The following PTPRS variants were observed in gnomAD, a reference collection of about 807,000 sequenced individuals.
PTPRS encodes the protein receptor-type tyrosine-protein phosphatase S.
In PTPRS, 63 loss-of-function variants were observed where a neutral mutation model predicts 215.3. The ratio of observed to expected loss-of-function variants is 0.29; its 90% CI spans 0.24 to 0.36. The LOEUF (loss-of-function observed/expected upper bound fraction) is 0.36, where lower values mean the gene tolerates loss of function less well. Among genes scored for constraint, PTPRS ranks in the 10% least tolerant of loss-of-function variants. The pLI, the probability that PTPRS is intolerant of heterozygous loss-of-function variation, is 1.00. For synonymous variants in PTPRS, 1,404 were observed against 1,191.4 expected (o/e 1.18, Z -3.68); for missense variants, 2,258 against 2,825.8 (o/e 0.80, Z 4.56).
intron 6 of PTPRS, among the ~76,000 whole-genome samples, chr19:5,262,446 A>G (rs1424946652): frequency 6.6e-6 from 1 of 152,214 alleles, no homozygotes; most frequent in East Asian, 1.9e-4. Context: ...AATTAGTCCC[A>G]CAACTGATTT....
rs1337331353 is a variant in PTPRS, at chr19:5,220,683, C to G, written c.3455+317G>C. Among the ~76,000 whole-genome samples, 4 of 152,150 alleles carry G rather than the reference C, an allele frequency of 2.6e-5. No individual in the cohort carries two copies. In the East Asian group the frequency reaches 5.8e-4, roughly 22 times the overall value. On this transcript the variant is annotated intron_variant, in intron 20 of 37. Transcript: ENST00000262963. ...CTCTGAGGCAGAGTGCTCCTCTCCC[C>G]ACTGGGGACTCTCAGCTTTGCCTCC...
chr19:5,214,612 C>T lies in PTPRS; in HGVS notation c.4443G>A (p.Glu1481=). ...TFGDFWRMVW[E]QRSATIVMMT... ...TCATGACGATGGTCGCCGACCGCTGCTCCCACACCATACGCCAGAAGTCCC... is the reference window on the plus strand; with the variant it reads ...TCATGACGATGGTCGCCGACCGCTGTTCCCACACCATACGCCAGAAGTCCC... Residue 1481 remains glutamate, a synonymous_variant, in exon 29 of 38, where the codon GAG becomes GAA. Transcript: ENST00000262963. 1 of 1,613,124 alleles carries T rather than the reference C, an allele frequency of 6.2e-7. No homozygotes were observed. Among genetic ancestry groups the T allele is most frequent in the Non-Finnish European group, 8.5e-7 (1 of 1,179,748 alleles).
At chr19:5,299,823 T>C (rs1459191504) in intron 1 of PTPRS, among the ~76,000 whole-genome samples, 2 of 151,996 alleles carry the variant, frequency 1.3e-5, no homozygotes, top group Non-Finnish European at 2.9e-5. Context: ...TGAGCTGAGA[T>C]CGCGCCATTG....
intron 1 of PTPRS, among the ~76,000 whole-genome samples, chr19:5,329,765 C>CCA (rs1325732692): frequency 1.2e-4 from 17 of 138,782 alleles, no homozygotes; most frequent in Admixed American, 3.7e-4. Context: ...ACTCCATCTC[C>CCA]TAAAAAAAAA....
chr19:5,207,825 C>A (rs1472510596), intron 37 of PTPRS, 97 bp downstream of exon 37: 2 of 1,532,174 alleles, frequency 1.3e-6, no homozygotes, highest in Non-Finnish European at 1.8e-6. Flanking sequence ...CCAGAGAGTC[C>A]CAGGTGGCTG....
intron 1 of PTPRS, among the ~76,000 whole-genome samples, chr19:5,335,878 G>T (rs933428191): frequency 6.6e-6 from 1 of 152,030 alleles, no homozygotes; most frequent in South Asian, 2.1e-4. Context: ...CGGCCTCTGC[G>T]GGGCGCAGAG....
chr19:5,308,603 C>T (rs1162383025), intron 1 of PTPRS, among the ~76,000 whole-genome samples: 1 of 152,152 alleles, frequency 6.6e-6, no homozygotes, highest in African/African-American at 2.4e-5. Context: ...CTCCATGCGG[C>T]AGAGGTGGCT....
chr19:5,274,691 G>A (rs957278096), intron 2 of PTPRS, among the ~76,000 whole-genome samples: 3 of 152,016 alleles, frequency 2.0e-5, no homozygotes, highest in African/African-American at 4.8e-5. Flanking sequence ...TGGGAAAGAT[G>A]GAAGGGGAAA....
In PTPRS at chr19:5,257,372, C is replaced by A. The variant is rs889144167; in HGVS notation, c.706+645G>T. On this transcript the variant is annotated intron_variant, in intron 8 of 37. Coordinates refer to ENST00000262963, the MANE Select transcript of PTPRS (RefSeq NM_002850.4). This position sits in a 1 kb window ranked among gnomAD's most constrained non-coding sequence, Gnocchi z 4.4. ...CCCCAGCTCGGTGCAACTACCGAGC[C>A]CCCCGGGTGCCTGTGCCCGCTGTGG... The A allele has an allele frequency of 2.2e-6, 1 of 453,728 alleles. No individual in the cohort carries two copies. The highest frequency in any genetic ancestry group is 2.0e-5 in the African/African-American group (1 of 50,056). 28.1% of individuals were successfully genotyped at this position (453,728 alleles called of 1,614,324 possible).
intron 23 of PTPRS, 189 bp downstream of exon 23, chr19:5,219,121 G>T: frequency 2.5e-6 from 2 of 801,708 alleles, no homozygotes; most frequent in South Asian, 3.6e-5. Flanking sequence ...CCACTGGCCT[G>T]CTTTGAGCCC....
chr19:5,336,106 TG>T (rs1195872270), intron 1 of PTPRS, among the ~76,000 whole-genome samples: 1 of 151,842 alleles, frequency 6.6e-6, no homozygotes, highest in Non-Finnish European at 1.5e-5. Flanking sequence ...TTTTCGCCTT[TG>T]GAGAAGTGTA....
intron 1 of PTPRS, among the ~76,000 whole-genome samples, chr19:5,297,488 T>TG (rs2049171184): frequency 6.6e-6 from 1 of 152,070 alleles, no homozygotes; most frequent in Non-Finnish European, 1.5e-5. Flanking sequence ...CTGCCCCTGT[T>TG]GGGGGGCACA....
Position 5,228,345 on chromosome 19 carries a change from G to GAAAAAAAAAAAAAA in PTPRS, c.2376+970_2376+971insTTTTTTTTTTTTTT, listed in dbSNP as rs1491502602. Among the ~76,000 whole-genome samples, 232 of 33,096 alleles carry GAAAAAAAAAAAAAA rather than the reference G, an allele frequency of 7.0e-3. 10 individuals are homozygous for GAAAAAAAAAAAAAA. Among genetic ancestry groups the GAAAAAAAAAAAAAA allele is most frequent in the Non-Finnish European group, 9.7e-3 (149 of 15,400 alleles). 21.7% of individuals were successfully genotyped at this position (33,096 alleles called of 152,430 possible). A position where few individuals can be genotyped will look rare whatever the true frequency, so the allele number is the denominator to read the frequency against. ...GGGCGATAGTGTGAGACTCCGTCTG[G>GAAAAAAAAAAAAAA]AGAAAAAAAAAAAAAAAAGAGACAG... On this transcript the variant is annotated intron_variant, in intron 16 of 37. Transcript: ENST00000262963.
chr19:5,340,644 A>AT lies in PTPRS; in HGVS notation c.-95+19dup, dbSNP rs945791461. ...TTTTTTTCCTCTAATCCATGATTTT[A>AT]TTTTTTTTTTTGGCTTTACCTGGAG... is the stretch of plus-strand genomic sequence containing the variant. On this transcript the variant is annotated intron_variant, in intron 1 of 37. Coordinates refer to ENST00000262963, the MANE Select transcript of PTPRS (RefSeq NM_002850.4). 21 of 140,824 alleles carry AT rather than the reference A, an allele frequency of 1.5e-4. No individual in the cohort carries two copies. The highest frequency in any genetic ancestry group is 1.1e-3 in the East Asian group (4 of 3,590). 8.7% of individuals were successfully genotyped at this position (140,824 alleles called of 1,614,324 possible).
intron 6 of PTPRS, among the ~76,000 whole-genome samples, chr19:5,261,313 G>A (rs1192818328): frequency 6.6e-6 from 1 of 152,156 alleles, no homozygotes; most frequent in Non-Finnish European, 1.5e-5. Flanking sequence ...GGGGAGGTGG[G>A]TGGGGTTAGT....
Position 5,206,579 on chromosome 19 carries a change from G to C in PTPRS, c.*195C>G. On this transcript the variant is annotated 3_prime_UTR_variant, in exon 38 of 38. Coordinates refer to ENST00000262963, the MANE Select transcript of PTPRS (RefSeq NM_002850.4). ...ATTTGAAGGCGGCGGCCGGTGCCAG[G>C]GAGGTCGCTGGGGCGGCCGGGGCCG... 1 of 542,854 alleles carries C rather than the reference G, an allele frequency of 1.8e-6. No homozygotes were observed. The allele number at this position is 542,854 out of a possible 1,614,324, so 33.6% of individuals were successfully genotyped here.
chr19:5,227,501 G>A (rs977732897), intron 16 of PTPRS, among the ~76,000 whole-genome samples: 5 of 150,126 alleles, frequency 3.3e-5, no homozygotes, highest in Admixed American at 2.7e-4. Context: ...TGCAACCTCT[G>A]CCTCCCTAGT....
rs2042037962 is a variant in PTPRS at position 5,222,240 on chromosome 19, G to A, written c.3104-20C>T. 1.3e-6 allele frequency: 2 copies of A among 1,599,710 alleles called. No homozygotes were observed. The highest frequency in any genetic ancestry group is 1.7e-6 in the Non-Finnish European group (2 of 1,167,872). ...GCGAGACTGCCGGGGAGGCGGCCGAGCAGGGAGAGAGCAGAAGAGAGGCCC... is the reference window on the plus strand; with the variant it reads ...GCGAGACTGCCGGGGAGGCGGCCGAACAGGGAGAGAGCAGAAGAGAGGCCC... On this transcript the variant is annotated intron_variant, in intron 18 of 37. Transcript: ENST00000262963.
chr19:5,272,040 TGAGAA>T (rs1370157422), intron 4 of PTPRS, among the ~76,000 whole-genome samples: 1 of 152,008 alleles, frequency 6.6e-6, no homozygotes, highest in Admixed American at 6.6e-5. Context: ...ACTTTAGAGA[TGAGAA>T]AATTGCAGCT....
Sources: gnomAD v4.1 joint callset for allele counts (sites outside exome capture counted in the v4.1 genomes callset) on GRCh38, gnomAD v4.1.1 for gene constraint, Gnocchi (gnomAD v3.1) non-coding constraint, MANE v1.5 for transcripts, NCBI Gene and HGNC (gene_info 2026-07-23, HGNC 2026-07-21) for gene names.